The following NSD3 variants were observed in gnomAD, a reference collection of about 807,000 sequenced individuals.
NSD3 encodes histone-lysine N-methyltransferase NSD3.
In NSD3, 24 loss-of-function variants were observed where a neutral mutation model predicts 160.8. The ratio of observed to expected loss-of-function variants is 0.15; its 90% confidence interval spans 0.11 to 0.21. The LOEUF (loss-of-function observed/expected upper bound fraction) is 0.21, where lower values mean the gene tolerates loss of function less well. Ranked by LOEUF, NSD3 falls within the 10% of genes least tolerant of loss-of-function variation. The probability of loss-of-function intolerance (pLI) is 1.00; values close to 1 mark genes in which losing one functional copy is unlikely to be tolerated. For synonymous variants in NSD3, 520 were observed against 600.0 expected (o/e 0.87, Z 1.95); for missense variants, 1,157 against 1,735.9 (o/e 0.67, Z 5.93).
intron 2 of NSD3, among the ~76,000 whole-genome samples, chr8:38,341,168 G>A (rs1219515612): frequency 6.6e-6 from 1 of 152,060 alleles, no homozygotes; most frequent in Admixed American, 6.6e-5. Context: ...GTAAGTGCTA[G>A]GAAGAGAAAG....
At chr8:38,337,505 A>T in intron 3 of NSD3, 38 bp from the exon 4 acceptor site, 1 of 1,508,460 alleles carries the variant, frequency 6.6e-7, no homozygotes, top group South Asian at 1.4e-5. Flanking sequence ...CAGAAATTCA[A>T]AAAAAGAAAC....
intron 14 of NSD3, chr8:38,303,186 C>T (rs576864104): frequency 5.1e-5 from 49 of 965,600 alleles, no homozygotes; most frequent in Admixed American, 6.1e-5. Context: ...GCCACTCATC[C>T]GTTTAAAAGA....
At chr8:38,367,185 G>C (rs1396230853) in intron 1 of NSD3, among the ~76,000 whole-genome samples, 3 of 152,102 alleles carry the variant, frequency 2.0e-5, no homozygotes, top group African/African-American at 7.2e-5. Context: ...AGAGTCATAA[G>C]ACTTGAATTT....
Position 38,294,866 on chromosome 8 carries a change from G to A in NSD3, c.2915+930C>T, listed in dbSNP as rs1040590104. 4.0e-5 allele frequency among the ~76,000 whole-genome samples: 6 copies of A among 150,806 alleles called. No homozygotes were observed. In the East Asian group the frequency reaches 5.8e-4, roughly 15 times the overall value. ...AAATTTTTAAAGTTTTTTTTTGGCCGGGCGTGGTGGCTCACACCTGCAATC... is the reference window on the plus strand; with the variant it reads ...AAATTTTTAAAGTTTTTTTTTGGCCAGGCGTGGTGGCTCACACCTGCAATC... On this transcript the variant is annotated intron_variant, in intron 16 of 23. Coordinates refer to ENST00000317025, the MANE Select transcript of NSD3 (RefSeq NM_023034.2).
At chr8:38,331,678 T>C in intron 4 of NSD3, 93 bp from the exon 5 acceptor site, 2 of 1,303,560 alleles carry the variant, frequency 1.5e-6, no homozygotes, top group Non-Finnish European at 2.1e-6. Context: ...TCCTCAGTAT[T>C]ACTCCCACTA....
In NSD3 at chr8:38,275,627, G is replaced by A; in HGVS notation, c.*14C>T. The A allele has an allele frequency of 6.2e-7, 1 of 1,606,778 alleles. No homozygotes were observed. The highest frequency in any genetic ancestry group is 2.2e-5 in the East Asian group (1 of 44,808). On this transcript the variant is annotated 3_prime_UTR_variant, in exon 24 of 24. Coordinates refer to ENST00000317025, the MANE Select transcript of NSD3 (RefSeq NM_023034.2). The stretch of plus-strand genomic sequence containing the variant: ...CTTTTTTCACTTAAATAGAAAGGAG[G>A]GGACACCACACATTTATTCTTTTAC...
chr8:38,324,277 T>G (rs947506420), intron 7 of NSD3, among the ~76,000 whole-genome samples: 3 of 152,202 alleles, frequency 2.0e-5, no homozygotes, highest in African/African-American at 7.2e-5. Context: ...AATTCCATAT[T>G]GAAAAAGGCT....
intron 1 of NSD3, among the ~76,000 whole-genome samples, chr8:38,368,271 G>A (rs1585929924): frequency 2.0e-5 from 3 of 152,212 alleles, no homozygotes; most frequent in South Asian, 2.1e-4. Flanking sequence ...CAAATTATCT[G>A]TAAAGAATAA....
At chr8:38,315,665 C>A in intron 10 of NSD3, 121 bp from the exon 11 acceptor site, 1 of 1,385,888 alleles carries the variant, frequency 7.2e-7, no homozygotes. Flanking sequence ...CCACCTTTTT[C>A]CTTCCTTTCT....
chr8:38,300,327 A>G (rs2131005275), intron 14 of NSD3, among the ~76,000 whole-genome samples: 1 of 152,100 alleles, frequency 6.6e-6, no homozygotes. Flanking sequence ...ACACCAGGCT[A>G]ATTTTTAAAT....
rs937596412 is a variant in NSD3, at chr8:38,273,127, A to T, written c.*2514T>A. The T allele has an allele frequency of 6.6e-6, 1 of 152,054 alleles. No homozygotes were observed. The highest frequency in any genetic ancestry group is 2.4e-5 in the African/African-American group (1 of 41,380). The allele number at this position is 152,054 out of a possible 1,614,324, so 9.4% of individuals were successfully genotyped here. ...TCACTGCAACCTCTGCCTCCTGAGAAACTGGGACTACAGGTATGTGCCACC... is the reference window on the plus strand; with the variant it reads ...TCACTGCAACCTCTGCCTCCTGAGATACTGGGACTACAGGTATGTGCCACC... On this transcript the variant is annotated 3_prime_UTR_variant, in exon 24 of 24. Coordinates refer to ENST00000317025, the MANE Select transcript of NSD3 (RefSeq NM_023034.2).
intron 1 of NSD3, among the ~76,000 whole-genome samples, chr8:38,359,943 C>T (rs985951746): frequency 8.6e-5 from 13 of 151,806 alleles, no homozygotes; most frequent in African/African-American, 2.9e-4. Context: ...GTTTGAACCA[C>T]GATAGTACAA....
In NSD3 at chr8:38,316,616, T is replaced by A; in HGVS notation, c.1856-574A>T. On this transcript the variant is annotated intron_variant, in intron 9 of 23. Transcript: ENST00000317025. The surrounding 1 kb of genome is among the most constrained non-coding windows in gnomAD (Gnocchi z 4.5). ...ACTTCCTTGGTGAAGTGGCATTTAT[T>A]GTGACCATTAACAAGCGCTGCAGCA... The A allele has an allele frequency of 5.7e-6, 6 of 1,053,136 alleles. No homozygotes were observed. The highest frequency in any genetic ancestry group is 6.9e-6 in the Non-Finnish European group (6 of 871,570). The allele number at this position is 1,053,136 out of a possible 1,614,324, so 65.2% of individuals were successfully genotyped here. A position where few individuals can be genotyped will look rare whatever the true frequency, so the allele number is the denominator to read the frequency against.
Position 38,329,501 on chromosome 8 carries a change from G to A in NSD3, c.1458C>T (p.His486=), listed in dbSNP as rs747260254. Residue 486 remains histidine (H), a synonymous_variant, in exon 6 of 24, where the codon CAC becomes CAT. Coordinates refer to ENST00000317025, the MANE Select transcript of NSD3 (RefSeq NM_023034.2). This position sits in a 1 kb window ranked among gnomAD's most constrained non-coding sequence, Gnocchi z 4.8. ...RKSLPASITM[H]KGSLDLQKCN... ...ACTTCTGCAAATCCAGGCTCCCTTT[G>A]TGCATCGTAATGGAAGCTGGTAAGG... 1 of 1,614,186 alleles carries A rather than the reference G, an allele frequency of 6.2e-7. No homozygotes were observed. The highest frequency in any genetic ancestry group is 8.5e-7 in the Non-Finnish European group (1 of 1,180,044).
chr8:38,359,554 A>C (rs1368493585), intron 1 of NSD3, among the ~76,000 whole-genome samples: 6 of 152,158 alleles, frequency 3.9e-5, no homozygotes, highest in Non-Finnish European at 8.8e-5. Flanking sequence ...GGTTCTAAGA[A>C]CTTGACCACG....
chr8:38,376,638 T>C (rs1219090900), intron 1 of NSD3, among the ~76,000 whole-genome samples: 1 of 152,052 alleles, frequency 6.6e-6, no homozygotes, highest in South Asian at 2.1e-4. Flanking sequence ...GGTTTCACCA[T>C]GTTGGCCAGG....
Position 38,281,755 on chromosome 8 carries a change from A to G in NSD3, c.3502-172T>C, listed in dbSNP as rs146621787. ...ATTCAGGTGGCATTATTTTTCTGGTATAAGTGCCTCAGAAGGTGACAATCT... is the reference window on the plus strand; with the variant it reads ...ATTCAGGTGGCATTATTTTTCTGGTGTAAGTGCCTCAGAAGGTGACAATCT... On this transcript the variant is annotated intron_variant, in intron 19 of 23. Transcript: ENST00000317025. Among the ~76,000 whole-genome samples, 7 of 152,336 alleles carry G rather than the reference A, an allele frequency of 4.6e-5. No individual in the cohort carries two copies. The East Asian group carries it at 1.3e-3, about 29-fold the overall frequency.
rs1809702864 is a variant in NSD3 at position 38,317,708 on chromosome 8, G to A, written c.1855+1187C>T. Reference sequence around the variant, plus strand: ...TGAAATTGATCAGTGTAAGTTAAATGGTGGTTTTTAGGCTGGACCCATGAT... The same window carrying A: ...TGAAATTGATCAGTGTAAGTTAAATAGTGGTTTTTAGGCTGGACCCATGAT... On this transcript the variant is annotated intron_variant, in intron 9 of 23. Transcript: ENST00000317025. The surrounding 1 kb of genome is among the most constrained non-coding windows in gnomAD (Gnocchi z 5.3). 3 of 1,342,128 alleles carry A rather than the reference G, an allele frequency of 2.2e-6. No individual in the cohort carries two copies. The highest frequency in any genetic ancestry group is 3.0e-5 in the East Asian group (1 of 33,648). The allele number at this position is 1,342,128 out of a possible 1,614,324, so 83.1% of individuals were successfully genotyped here. A position where few individuals can be genotyped will look rare whatever the true frequency, so the allele number is the denominator to read the frequency against.
At chr8:38,354,542 A>G (rs1810775604) in intron 1 of NSD3, among the ~76,000 whole-genome samples, 1 of 152,218 alleles carries the variant, frequency 6.6e-6, no homozygotes, top group Non-Finnish European at 1.5e-5. Flanking sequence ...TAGGAGAGCT[A>G]TGCTGAAATA....
Sources: gnomAD v4.1 joint callset for allele counts (sites outside exome capture counted in the v4.1 genomes callset) on GRCh38, gnomAD v4.1.1 for gene constraint, Gnocchi (gnomAD v3.1) non-coding constraint, MANE v1.5 for transcripts, NCBI Gene and HGNC (gene_info 2026-07-23, HGNC 2026-07-21) for gene names.